Variants in IPO8 observed in about 807,000 individuals in gnomAD.
IPO8 encodes importin-8.
A neutral mutation model predicts 141.2 loss-of-function variants in IPO8; 65 were observed. The ratio of observed to expected loss-of-function variants is 0.46; its 90% CI spans 0.38 to 0.57. IPO8 has a LOEUF of 0.57. Ranked by LOEUF, IPO8 falls within the 20% of genes least tolerant of loss-of-function variation. The pLI is 0.00. For synonymous variants in IPO8, 411 were observed against 420.3 expected (o/e 0.98, Z 0.27); for missense variants, 980 against 1,246.8 (o/e 0.79, Z 3.22).
chr12:30,631,412 T>C (rs2052430452), intron 24 of IPO8, among the ~76,000 whole-genome samples: 1 of 152,130 alleles, frequency 6.6e-6, no homozygotes, highest in Non-Finnish European at 1.5e-5. Context: ...GTAACTACAA[T>C]AATCAACACA....
chr12:30,682,603 TA>T (rs199591480), intron 3 of IPO8, among the ~76,000 whole-genome samples: 2,905 of 152,004 alleles, frequency 0.019, 31 homozygotes, highest in Non-Finnish European at 0.031. Context: ...GAAAAGAAAA[TA>T]GGGGGAAAAA....
intron 20 of IPO8, among the ~76,000 whole-genome samples, chr12:30,646,322 CAA>C (rs2052646147): frequency 1.3e-5 from 2 of 152,088 alleles, no homozygotes; most frequent in African/African-American, 4.8e-5. Context: ...ATGATAAAAG[CAA>C]CAAGTTAGCA....
intron 14 of IPO8, among the ~76,000 whole-genome samples, chr12:30,662,843 C>T (rs10771755): frequency 0.55 from 83,059 of 151,860 alleles, 23,321 homozygotes; most frequent in African/African-American, 0.67. Flanking sequence ...AAATCATGTA[C>T]GTGAAGACTA....
At chr12:30,659,088 G>A (rs909608780) in intron 16 of IPO8, among the ~76,000 whole-genome samples, 3 of 151,872 alleles carry the variant, frequency 2.0e-5, no homozygotes, top group African/African-American at 7.3e-5. Flanking sequence ...CACTGTGTTA[G>A]CCAGGATGGT....
At position 30,695,486 on chromosome 12, in the gene IPO8, C is replaced by T; in HGVS notation, c.84+78G>A. The T allele has an allele frequency of 7.8e-7, 1 of 1,283,948 alleles. No homozygotes were observed. The highest frequency in any genetic ancestry group is 1.1e-6 in the Non-Finnish European group (1 of 890,426). 79.5% of individuals were successfully genotyped at this position (1,283,948 alleles called of 1,614,324 possible). On this transcript the variant is annotated intron_variant, in intron 1 of 24. Transcript: ENST00000256079. The surrounding 1 kb of genome is among the most constrained non-coding windows in gnomAD (Gnocchi z 4.2). ...GCCCGGTGGGGGTGAGGACGAGGGGCGCCGGGGAGAGGGAGCCCGGCCAGC... is the reference window on the plus strand; with the variant it reads ...GCCCGGTGGGGGTGAGGACGAGGGGTGCCGGGGAGAGGGAGCCCGGCCAGC...
At chr12:30,680,117 CCTT>C (rs530560545) in intron 5 of IPO8, among the ~76,000 whole-genome samples, 96 of 127,900 alleles carry the variant, frequency 7.5e-4, no homozygotes, top group African/African-American at 3.1e-3. Flanking sequence ...TTCTTCTTTT[CCTT>C]CTTCTTTTCC....
chr12:30,633,909 A>G (rs532502238), intron 23 of IPO8, among the ~76,000 whole-genome samples, 174 bp downstream of exon 23: 2 of 152,304 alleles, frequency 1.3e-5, no homozygotes, highest in South Asian at 4.1e-4. Flanking sequence ...GTGTTTCATT[A>G]TTTTAATTTC....
intron 9 of IPO8, among the ~76,000 whole-genome samples, chr12:30,669,784 A>AT (rs2053023281): frequency 6.6e-6 from 1 of 151,338 alleles, no homozygotes; most frequent in African/African-American, 2.4e-5. Flanking sequence ...AAAAATTGGA[A>AT]TTTTCTTTAC....
chr12:30,636,928 T>G, intron 22 of IPO8, 54 bp downstream of exon 22: 1 of 1,420,460 alleles, frequency 7.0e-7, no homozygotes. Context: ...TCATATAAAA[T>G]GCATACACAA....
At position 30,695,358 on chromosome 12, in the gene IPO8, A is replaced by C. The variant is rs2053328356; in HGVS notation, c.84+206T>G. ...ACACGAAAAGGTGCAAAGGTGGCCA[A>C]CAGGTGCGCGAGCTGTTCGGCAAAG... On this transcript the variant is annotated intron_variant, in intron 1 of 24. Transcript: ENST00000256079. This position sits in a 1 kb window ranked among gnomAD's most constrained non-coding sequence, Gnocchi z 4.2. Among the ~76,000 whole-genome samples the C allele has an allele frequency of 6.6e-6, 1 of 152,198 alleles. No homozygotes were observed. The highest frequency in any genetic ancestry group is 6.5e-5 in the Admixed American group (1 of 15,278).
intron 20 of IPO8, among the ~76,000 whole-genome samples, chr12:30,642,956 A>C (rs2052594782): frequency 6.6e-6 from 1 of 152,208 alleles, no homozygotes; most frequent in Admixed American, 6.5e-5. Context: ...ATTCATAAGG[A>C]TACTAAAAAT....
chr12:30,649,976 G>T (rs2052703513), intron 19 of IPO8, among the ~76,000 whole-genome samples: 1 of 151,096 alleles, frequency 6.6e-6, no homozygotes, highest in Non-Finnish European at 1.5e-5. Flanking sequence ...ATAAGGGTGG[G>T]CCAGAAATTT....
chr12:30,687,585 CCCTT>C (rs1396771199), intron 2 of IPO8, among the ~76,000 whole-genome samples: 2 of 151,910 alleles, frequency 1.3e-5, no homozygotes, highest in African/African-American at 2.4e-5. Flanking sequence ...CCCCTTCTCT[CCCTT>C]ATTACTCTGT....
chr12:30,685,099 A>G (rs2053226698), intron 2 of IPO8, among the ~76,000 whole-genome samples: 1 of 151,572 alleles, frequency 6.6e-6, no homozygotes, highest in Admixed American at 6.6e-5. Flanking sequence ...ACAGGCTGAC[A>G]TATTGCTACA....
At chr12:30,671,569 G>A (rs957094419) in intron 8 of IPO8, among the ~76,000 whole-genome samples, 1 of 151,604 alleles carries the variant, frequency 6.6e-6, no homozygotes, top group Non-Finnish European at 1.5e-5. Flanking sequence ...AGCTACTGGG[G>A]AGGCTGAGGC....
rs192042428 is a variant in IPO8 at position 30,635,739 on chromosome 12, G to C, written c.2695+1243C>G. Reference sequence around the variant, plus strand: ...AGGTAGATTGAACTAGGTAGTTTTAGGAATAAGGCACTTAACCAGAGTTTG... The same window carrying C: ...AGGTAGATTGAACTAGGTAGTTTTACGAATAAGGCACTTAACCAGAGTTTG... On this transcript the variant is annotated intron_variant, in intron 22 of 24. Transcript: ENST00000256079. Among the ~76,000 whole-genome samples the C allele has an allele frequency of 3.0e-3, 463 of 152,146 alleles. 6 individuals carry two copies. Among genetic ancestry groups the C allele is most frequent in the Non-Finnish European group, 5.7e-3 (384 of 67,934 alleles).
intron 20 of IPO8, among the ~76,000 whole-genome samples, chr12:30,640,349 TCTTACTATAAGCC>T (rs1203218243): frequency 1.4e-4 from 22 of 152,066 alleles, no homozygotes; most frequent in Admixed American, 1.4e-3. Context: ...AAATCTGAGG[TCTTACTATAAGCC>T]CCTTTTTAAA....
At chr12:30,665,995 A>G in intron 11 of IPO8, 150 bp from the exon 12 acceptor site, 1 of 669,198 alleles carries the variant, frequency 1.5e-6, no homozygotes, top group South Asian at 2.2e-5. Flanking sequence ...ATAATTTATT[A>G]AGAAAACGAA....
At chr12:30,676,810 A>G (rs1165087180) in intron 5 of IPO8, 2 of 996,456 alleles carry the variant, frequency 2.0e-6, no homozygotes, top group African/African-American at 1.6e-5. Context: ...TCTTGGGTCT[A>G]CTTTTTAAAA....
Sources: gnomAD v4.1 joint callset for allele counts (sites outside exome capture counted in the v4.1 genomes callset) on GRCh38, gnomAD v4.1.1 for gene constraint, Gnocchi (gnomAD v3.1) non-coding constraint, MANE v1.5 for transcripts, NCBI Gene and HGNC (gene_info 2026-07-23, HGNC 2026-07-21) for gene names.